FHIP2A: variants seen among roughly 807,000 people sequenced by gnomAD.
FHIP2A encodes FHF complex subunit HOOK interacting protein 2A, also known as family with sequence similarity 160 member B1.
A neutral mutation model predicts 93.5 loss-of-function variants in FHIP2A; 46 were observed. That is an observed-to-expected ratio of 0.49 (90% CI 0.39 to 0.63). The LOEUF (loss-of-function observed/expected upper bound fraction) is 0.63. FHIP2A is among the 20% of genes least tolerant of loss of function. The pLI is 0.00. For synonymous variants in FHIP2A, 332 were observed against 326.5 expected (o/e 1.02, Z -0.18); for missense variants, 769 against 909.7 (o/e 0.85, Z 1.99).
downstream of FHIP2A, among the ~76,000 whole-genome samples, chr10:114,865,967 G>GT (rs1181449582): frequency 5.9e-5 from 9 of 151,892 alleles, no homozygotes; most frequent in South Asian, 2.1e-4. Context: ...CTGTTTGTTT[G>GT]TTTTTTTTAA....
intron 16 of FHIP2A, among the ~76,000 whole-genome samples, chr10:114,890,507 T>C (rs979747296): frequency 3.4e-5 from 5 of 146,390 alleles, no homozygotes; most frequent in Non-Finnish European, 5.9e-5. Flanking sequence ...ACATATATAG[T>C]ATATAAAATA....
chr10:114,848,724 A>G lies in FHIP2A; in HGVS notation c.1790A>G (p.Asp597Gly). The G allele has an allele frequency of 3.7e-6, 6 of 1,611,240 alleles. No homozygotes were observed. Among genetic ancestry groups the G allele is most frequent in the Non-Finnish European group, 5.1e-6 (6 of 1,177,666 alleles). ...ACAGGATATGACACTTACCTCCGAG[A>G]CGCTCATAGGCAGGTAGGTGAAGTC... ...EGTGYDTYLR[D>G]AHRQFRDYCA... The change falls in exon 13 of 17, where the codon GAC (aspartate) becomes GGC (glycine). Residue 597 changes from aspartate (D) to glycine (G), a missense_variant. Coordinates refer to ENST00000369248, the MANE Select transcript of FHIP2A (RefSeq NM_020940.4).
chr10:114,850,794 T>C (rs370416399), intron 13 of FHIP2A, among the ~76,000 whole-genome samples: 3 of 152,358 alleles, frequency 2.0e-5, no homozygotes, highest in Non-Finnish European at 4.4e-5. Flanking sequence ...TTCTGCATAG[T>C]AGATCCTTAT....
intron 1 of FHIP2A, 83 bp downstream of exon 1, chr10:114,822,206 C>A (rs1482849624): frequency 1.2e-5 from 11 of 899,586 alleles, no homozygotes; most frequent in South Asian, 5.3e-5. Flanking sequence ...ACAAGCCGGG[C>A]GGCCTTGGCC....
intron 6 of FHIP2A, 82 bp downstream of exon 6, chr10:114,843,308 A>T: frequency 1.0e-6 from 1 of 988,592 alleles, no homozygotes. Flanking sequence ...TTAATTTTTA[A>T]TTTATTTTTT....
chr10:114,847,262 A>G (rs756228051), intron 12 of FHIP2A, 29 bp downstream of exon 12: 85 of 1,580,648 alleles, frequency 5.4e-5, no homozygotes, highest in Non-Finnish European at 6.7e-5. Context: ...TTTGACTTCC[A>G]TCTCTCTTGT....
chr10:114,867,904 T>G (rs575629598), downstream of FHIP2A, among the ~76,000 whole-genome samples: 211 of 152,068 alleles, frequency 1.4e-3, 1 homozygote, highest in South Asian at 6.7e-3. Context: ...ATTTCCCAAG[T>G]ATGAGTCTAA....
intron 2 of FHIP2A, among the ~76,000 whole-genome samples, chr10:114,831,904 C>T (rs2083610187): frequency 6.6e-6 from 1 of 152,178 alleles, no homozygotes; most frequent in Non-Finnish European, 1.5e-5. Flanking sequence ...CATATGTCCT[C>T]CTGAAAACAA....
rs148001360 is a variant in FHIP2A at position 114,845,018 on chromosome 10, G to C, written c.1014-349G>C. Among the ~76,000 whole-genome samples the C allele has an allele frequency of 6.7e-3, 1,010 of 149,666 alleles. 8 individuals carry two copies. The highest frequency in any genetic ancestry group is 0.024 in the African/African-American group (970 of 40,538). On this transcript the variant is annotated intron_variant, in intron 7 of 16. Transcript: ENST00000369248. ...GAGTTTCATCATATTGGCCAGGCTG[G>C]TCTCGAACTCCTGACCTCAAGTGAT...
In FHIP2A at chr10:114,864,679, G is replaced by A. The variant is rs550377792; in HGVS notation, c.*3139G>A. The stretch of plus-strand genomic sequence containing the variant: ...GCTAACAATGCATGCAGGACTAAGA[G>A]GGATGATCTAAAAAATAAATAATGT... On this transcript the variant is annotated 3_prime_UTR_variant, in exon 17 of 17. Coordinates refer to ENST00000369248, the MANE Select transcript of FHIP2A (RefSeq NM_020940.4). 1.0e-6 allele frequency: 1 copy of A among 985,036 alleles called. No homozygotes were observed. The highest frequency in any genetic ancestry group is 4.7e-5 in the South Asian group (1 of 21,284). The allele number at this position is 985,036 out of a possible 1,614,324, so 61.0% of individuals were successfully genotyped here.
chr10:114,883,350 C>T (rs372512782), intron 16 of FHIP2A, among the ~76,000 whole-genome samples: 1 of 152,092 alleles, frequency 6.6e-6, no homozygotes, highest in South Asian at 2.1e-4. Context: ...CACGTGTCTT[C>T]TCTTCCTATC....
chr10:114,861,563 G>A lies in FHIP2A; in HGVS notation c.*23G>A. On this transcript the variant is annotated 3_prime_UTR_variant, in exon 17 of 17. Coordinates refer to ENST00000369248, the MANE Select transcript of FHIP2A (RefSeq NM_020940.4). ...TAAATAACATCTTTCATGTAACTGG[G>A]GGAACAGAACTACTGTGTACATTTC... 2 of 1,610,460 alleles carry A rather than the reference G, an allele frequency of 1.2e-6. No individual in the cohort carries two copies. The highest frequency in any genetic ancestry group is 2.2e-5 in the East Asian group (1 of 44,832).
intron 5 of FHIP2A, among the ~76,000 whole-genome samples, chr10:114,836,927 G>A (rs969461345): frequency 2.0e-4 from 31 of 151,780 alleles, no homozygotes; most frequent in Admixed American, 2.0e-3. Context: ...TTTGAGGCAG[G>A]GTCTTGCTTT....
intron 13 of FHIP2A, among the ~76,000 whole-genome samples, chr10:114,854,145 T>G (rs2083752929): frequency 6.6e-6 from 1 of 152,038 alleles, no homozygotes; most frequent in Non-Finnish European, 1.5e-5. Context: ...GGGTTTTTTT[T>G]TTTTTTTTTA....
intron 16 of FHIP2A, among the ~76,000 whole-genome samples, chr10:114,886,937 T>G (rs1054020317): frequency 6.6e-6 from 1 of 152,140 alleles, no homozygotes; most frequent in Non-Finnish European, 1.5e-5. Context: ...TTTTCTCTGT[T>G]TTTACAGAAG....
rs1025046086 is a variant in FHIP2A, at chr10:114,875,875, GAA to G, written c.2192+14543_2192+14544del. Among the ~76,000 whole-genome samples, 13 of 114,208 alleles carry G rather than the reference GAA, an allele frequency of 1.1e-4. 1 individual carries two copies. Among genetic ancestry groups the G allele is most frequent in the East Asian group, 5.4e-4 (2 of 3,726 alleles). The allele number at this position is 114,208 out of a possible 152,430, so 74.9% of individuals were successfully genotyped here. On this transcript the variant is annotated intron_variant, in intron 16 of 16. Coordinates refer to the FHIP2A transcript ENST00000369250. Reference sequence around the variant, plus strand: ...AGAAAAAGAAAGAAAGAAAGAGAAAGAAAGAAAAGAAAGAGAGAGAAAGAAAT... The same window carrying G: ...AGAAAAAGAAAGAAAGAAAGAGAAAGAGAAAAGAAAGAGAGAGAAAGAAAT...
At chr10:114,823,126 A>G (rs1419377808) in intron 1 of FHIP2A, among the ~76,000 whole-genome samples, 3 of 152,220 alleles carry the variant, frequency 2.0e-5, no homozygotes, top group South Asian at 4.1e-4. Context: ...ACACTTTAAA[A>G]TGTACACTTT....
intron 12 of FHIP2A, 97 bp downstream of exon 12, chr10:114,847,330 C>T (rs2083707627): frequency 2.6e-6 from 3 of 1,155,094 alleles, no homozygotes; most frequent in Non-Finnish European, 3.6e-6. Context: ...GCTCTGTTGC[C>T]CACGCTGGAG....
intron 7 of FHIP2A, 76 bp downstream of exon 7, chr10:114,844,013 C>A: frequency 1.6e-6 from 2 of 1,249,470 alleles, no homozygotes; most frequent in Non-Finnish European, 2.2e-6. Context: ...TTCTATTTTG[C>A]AATGGTAGAA....
Sources: gnomAD v4.1 joint callset for allele counts (sites outside exome capture counted in the v4.1 genomes callset) on GRCh38, gnomAD v4.1.1 for gene constraint, MANE v1.5 for transcripts, NCBI Gene and HGNC (gene_info 2026-07-23, HGNC 2026-07-21) for gene names.